SLC36A1: variants seen among roughly 807,000 people sequenced by gnomAD.
SLC36A1 encodes the protein proton-coupled amino acid transporter 1.
SLC36A1 carries 30 observed loss-of-function variants against 47.5 expected under a neutral mutation model. The observed-to-expected ratio is 0.63, with a 90% CI of 0.47 to 0.86. The LOEUF (loss-of-function observed/expected upper bound fraction) is 0.86, where lower values mean the gene tolerates loss of function less well. Among genes scored for constraint, SLC36A1 ranks in the 40% least tolerant of loss-of-function variants. The pLI, the probability that SLC36A1 is intolerant of heterozygous loss-of-function variation, is 0.00. For missense variants in SLC36A1, 517 were observed against 606.0 expected, an observed-to-expected ratio of 0.85 and a Z score of 1.54; for synonymous variants, 255 against 249.7, an observed-to-expected ratio of 1.02 and a Z score of -0.20.
At chr5:151,545,887 T>C in the SLC36A1 span, 49 of 1,614,098 alleles carry the variant, frequency 3.0e-5, no homozygotes, top group Non-Finnish European at 4.2e-5. Context: ...ATCAATTATG[T>C]CAACCACCAC....
chr5:151,512,658 C>T, the SLC36A1 span: 1 of 1,478,090 alleles, frequency 6.8e-7, no homozygotes, highest in Non-Finnish European at 9.1e-7. The surrounding 1 kb of genome is among the most constrained non-coding windows in gnomAD (Gnocchi z 4.1). Context: ...TCCTTGTAAA[C>T]CTGCTAAGAG....
chr5:151,435,477 GATTCTAAT>G (rs1759713899), upstream of SLC36A1, among the ~76,000 whole-genome samples: 5 of 152,080 alleles, frequency 3.3e-5, no homozygotes, highest in South Asian at 1.0e-3. Context: ...GGTAAATCTT[GATTCTAAT>G]AATAAAGTAT....
At chr5:151,533,405 C>CAT in the SLC36A1 span, among the ~76,000 whole-genome samples, 1 of 130,756 alleles carries the variant, frequency 7.6e-6, no homozygotes, top group Admixed American at 7.1e-5. Context: ...CACACACACA[C>CAT]ACACACACAC....
the SLC36A1 span, chr5:151,521,398 C>A: frequency 6.2e-7 from 1 of 1,614,200 alleles, no homozygotes; most frequent in East Asian, 2.2e-5. Context: ...TTGACCCTGG[C>A]AGGTTGGCCC....
At chr5:151,385,439 A>G in the SLC36A1 span, among the ~76,000 whole-genome samples, 1 of 152,230 alleles carries the variant, frequency 6.6e-6, no homozygotes, top group African/African-American at 2.4e-5. Flanking sequence ...TTCCAAGGGG[A>G]AAAAACCCAG....
At chr5:151,532,388 AACACACACACACACAC>A in the SLC36A1 span, among the ~76,000 whole-genome samples, 1 of 150,496 alleles carries the variant, frequency 6.6e-6, no homozygotes, top group African/African-American at 2.4e-5. Flanking sequence ...TGCGTGTACA[AACACACACACACACAC>A]ACACACACAC....
chr5:151,542,958 G>C, the SLC36A1 span: 1 of 1,614,218 alleles, frequency 6.2e-7, no homozygotes, highest in South Asian at 1.1e-5. Flanking sequence ...CTAGACTGTA[G>C]ATGACTGGAT....
intron 9 of SLC36A1, 130 bp downstream of exon 9, chr5:151,476,886 A>G (rs780020167): frequency 8.5e-7 from 1 of 1,170,920 alleles, no homozygotes; most frequent in African/African-American, 1.5e-5. Flanking sequence ...ATCCCCTGCC[A>G]CTGCCAGCCC....
the SLC36A1 span, among the ~76,000 whole-genome samples, chr5:151,355,528 T>C: frequency 6.6e-6 from 1 of 152,148 alleles, no homozygotes; most frequent in African/African-American, 2.4e-5. Context: ...TACCCCAGGG[T>C]GTTTACTGCA....
chr5:151,347,315 T>C, the SLC36A1 span: 1 of 1,613,832 alleles, frequency 6.2e-7, no homozygotes, highest in Non-Finnish European at 8.5e-7. Flanking sequence ...CTTGGTCTTC[T>C]TCAAGCCTGC....
chr5:151,503,723 C>T, the SLC36A1 span, among the ~76,000 whole-genome samples: 2 of 152,156 alleles, frequency 1.3e-5, no homozygotes, highest in Non-Finnish European at 2.9e-5. Flanking sequence ...TAACTAATGC[C>T]ATGCAGTGCA....
intron 1 of SLC36A1, among the ~76,000 whole-genome samples, chr5:151,437,714 ATTTAT>A (rs967545079): frequency 6.6e-6 from 1 of 152,212 alleles, no homozygotes; most frequent in African/African-American, 2.4e-5. Flanking sequence ...ATAAAGCTAC[ATTTAT>A]TTTAGATTAT....
the SLC36A1 span, among the ~76,000 whole-genome samples, chr5:151,429,035 C>G: frequency 6.6e-6 from 1 of 152,150 alleles, no homozygotes; most frequent in African/African-American, 2.4e-5. Context: ...AATGCCTGAA[C>G]CAGTTTGAGA....
At chr5:151,439,137 T>A (rs887651818) in intron 1 of SLC36A1, among the ~76,000 whole-genome samples, 2 of 145,072 alleles carry the variant, frequency 1.4e-5, no homozygotes, top group Non-Finnish European at 3.0e-5. Context: ...AGAGAGAGAG[T>A]GCAGGGGAAA....
Position 151,467,851 on chromosome 5 carries a change from C to G in SLC36A1, c.649C>G (p.Leu217Val). Residue 217 changes from leucine to valine, a missense_variant, in exon 7 of 11, where the codon CTG becomes GTG. Coordinates refer to ENST00000243389, the MANE Select transcript of SLC36A1 (RefSeq NM_078483.4). ...LLVFIRNLRA[L>V]SIFSLLANIT... ...GGTTTTCATCAGGAACCTCCGAGCCCTGTCCATCTTCTCCCTGTTGGCCAA... is the reference window on the plus strand; with the variant it reads ...GGTTTTCATCAGGAACCTCCGAGCCGTGTCCATCTTCTCCCTGTTGGCCAA... 6.2e-7 allele frequency: 1 copy of G among 1,614,054 alleles called. No homozygotes were observed. Among genetic ancestry groups the G allele is most frequent in the South Asian group, 1.1e-5 (1 of 91,068 alleles).
chr5:151,531,410 C>T, the SLC36A1 span, among the ~76,000 whole-genome samples: 1 of 152,070 alleles, frequency 6.6e-6, no homozygotes, highest in Non-Finnish European at 1.5e-5. The surrounding 1 kb of genome is among the most constrained non-coding windows in gnomAD (Gnocchi z 5.7). Context: ...TAAGCTGGCC[C>T]CAGGGTGGAA....
the SLC36A1 span, chr5:151,534,443 A>G: frequency 1.9e-6 from 3 of 1,612,784 alleles, no homozygotes; most frequent in African/African-American, 4.0e-5. Flanking sequence ...CTACAGCCAC[A>G]GGGGTCTTCA....
the SLC36A1 span, among the ~76,000 whole-genome samples, chr5:151,500,070 T>C: frequency 6.6e-6 from 1 of 152,212 alleles, no homozygotes; most frequent in Non-Finnish European, 1.5e-5. Flanking sequence ...GCCCCCTGGC[T>C]CTGTGCCACC....
chr5:151,486,885 T>C (rs1759641140), intron 10 of SLC36A1, among the ~76,000 whole-genome samples: 1 of 152,134 alleles, frequency 6.6e-6, no homozygotes, highest in Admixed American at 6.6e-5. Context: ...AAAAGATGAG[T>C]ACTAATGATG....
Sources: allele counts gnomAD v4.1 joint callset (sites outside exome capture counted in the v4.1 genomes callset), GRCh38; gene constraint gnomAD v4.1.1; non-coding constraint Gnocchi (gnomAD v3.1); transcripts MANE v1.5; gene names NCBI Gene and HGNC (gene_info 2026-07-23, HGNC 2026-07-21).